The following INPP4B variants were observed in gnomAD, a reference collection of about 807,000 sequenced individuals.
The protein encoded by INPP4B is inositol polyphosphate 4-phosphatase type II.
INPP4B carries 55 observed loss-of-function variants against 122.5 expected under a neutral mutation model. The observed-to-expected ratio is 0.45, with a 90% CI of 0.36 to 0.56. The LOEUF (loss-of-function observed/expected upper bound fraction) is 0.56. Among genes scored for constraint, INPP4B ranks in the 20% least tolerant of loss-of-function variants. The pLI, the probability that INPP4B is intolerant of heterozygous loss-of-function variation, is 0.00. For synonymous variants in INPP4B, 403 were observed against 388.7 expected (o/e 1.04, Z -0.43); for missense variants, 1,000 against 1,097.7 (o/e 0.91, Z 1.26).
At chr4:142,523,692 A>G (rs1225829220) in intron 2 of INPP4B, among the ~76,000 whole-genome samples, 5 of 151,628 alleles carry the variant, frequency 3.3e-5, no homozygotes, top group Non-Finnish European at 7.4e-5. Flanking sequence ...GTTTTAGGGT[A>G]CATGTGCACA....
intron 3 of INPP4B, among the ~76,000 whole-genome samples, chr4:142,449,911 C>T (rs547474472): frequency 6.6e-6 from 1 of 152,128 alleles, no homozygotes; most frequent in Admixed American, 6.5e-5. Context: ...CTGGAGCTGT[C>T]CTGGATTCTA....
intron 12 of INPP4B, among the ~76,000 whole-genome samples, chr4:142,232,074 A>C (rs1362206949): frequency 6.6e-6 from 1 of 152,212 alleles, no homozygotes; most frequent in East Asian, 1.9e-4. Flanking sequence ...CAGAGATCAC[A>C]TGCCTTGCAA....
chr4:142,707,156 A>C (rs530106047), intron 2 of INPP4B, among the ~76,000 whole-genome samples: 1 of 152,290 alleles, frequency 6.6e-6, no homozygotes, highest in South Asian at 2.1e-4. Context: ...CACTCTTGAC[A>C]TACACTCTCT....
In INPP4B at chr4:142,274,208, G is replaced by A. The variant is rs138597083; in HGVS notation, c.504-3434C>T. On this transcript the variant is annotated intron_variant, in intron 9 of 25. Transcript: ENST00000262992. The stretch of plus-strand genomic sequence containing the variant: ...CCTTATGGAAATTCATCACATCTGC[G>A]TAGAAAATATATTAAAGAGAGTTCT... 4.6e-3 allele frequency among the ~76,000 whole-genome samples: 694 copies of A among 151,892 alleles called. 3 individuals are homozygous for A. Among genetic ancestry groups the A allele is most frequent in the Non-Finnish European group, 6.1e-3 (416 of 67,786 alleles).
intron 2 of INPP4B, among the ~76,000 whole-genome samples, chr4:142,554,250 T>A (rs1728644288): frequency 6.8e-6 from 1 of 147,452 alleles, no homozygotes; most frequent in South Asian, 2.1e-4. Flanking sequence ...CCACTCCAGA[T>A]CCACCATCAC....
At chr4:142,807,169 C>T (rs1778967742) in intron 1 of INPP4B, among the ~76,000 whole-genome samples, 1 of 152,130 alleles carries the variant, frequency 6.6e-6, no homozygotes. Context: ...TTAGCCAGAG[C>T]CATTTCCTTC....
chr4:142,238,821 A>G (rs924216362), intron 11 of INPP4B, among the ~76,000 whole-genome samples: 9 of 152,084 alleles, frequency 5.9e-5, no homozygotes, highest in Non-Finnish European at 1.3e-4. Context: ...CTCATACCAC[A>G]CTTTCAAGTC....
chr4:142,360,480 G>A (rs116599876), intron 7 of INPP4B, among the ~76,000 whole-genome samples: 125 of 152,060 alleles, frequency 8.2e-4, no homozygotes, highest in African/African-American at 2.9e-3. Context: ...AAATTCATAG[G>A]TTACCCTGAA....
At chr4:142,528,118 G>C (rs530637274) in intron 2 of INPP4B, among the ~76,000 whole-genome samples, 16 of 152,126 alleles carry the variant, frequency 1.1e-4, no homozygotes, top group African/African-American at 3.6e-4. Context: ...GACAAGAGTT[G>C]AAAGTATGTA....
chr4:142,219,006 A>G (rs1282710582), intron 12 of INPP4B, among the ~76,000 whole-genome samples: 1 of 152,214 alleles, frequency 6.6e-6, no homozygotes, highest in Non-Finnish European at 1.5e-5. Context: ...TAACCCACAC[A>G]TGGATAAAAA....
chr4:142,740,003 A>G (rs904633357), intron 1 of INPP4B, among the ~76,000 whole-genome samples: 1 of 152,086 alleles, frequency 6.6e-6, no homozygotes, highest in South Asian at 2.1e-4. Context: ...TAGGTAGTTT[A>G]TGTGCATAAC....
chr4:142,322,038 C>G (rs1770275093), intron 7 of INPP4B, among the ~76,000 whole-genome samples: 1 of 152,106 alleles, frequency 6.6e-6, no homozygotes, highest in Non-Finnish European at 1.5e-5. Flanking sequence ...CTGGCAATCT[C>G]AGAGAGTAAG....
intron 5 of INPP4B, chr4:142,427,565 A>G: frequency 2.0e-6 from 1 of 510,812 alleles, no homozygotes; most frequent in Non-Finnish European, 3.5e-6. Context: ...AACAAGATAG[A>G]TTCTCTTAAT....
chr4:142,096,100 A>G (rs553309256), intron 23 of INPP4B: 1 of 152,190 alleles, frequency 6.6e-6, no homozygotes, highest in South Asian at 2.1e-4. Flanking sequence ...TGAGCTTTCA[A>G]TTGAATTTAT....
intron 23 of INPP4B, among the ~76,000 whole-genome samples, chr4:142,095,756 A>G (rs1781530735): frequency 6.6e-6 from 1 of 152,186 alleles, no homozygotes; most frequent in African/African-American, 2.4e-5. Flanking sequence ...GCTATTGGAT[A>G]GGGATGAAAT....
intron 2 of INPP4B, among the ~76,000 whole-genome samples, chr4:142,472,384 C>T: frequency 6.6e-6 from 1 of 151,810 alleles, no homozygotes; most frequent in Non-Finnish European, 1.5e-5. Flanking sequence ...TACCTTTACC[C>T]CATACCCTGA....
intron 14 of INPP4B, among the ~76,000 whole-genome samples, chr4:142,205,180 A>G (rs1002129656): frequency 1.3e-5 from 2 of 152,160 alleles, no homozygotes; most frequent in Non-Finnish European, 2.9e-5. Flanking sequence ...CAAGAAAGAA[A>G]TATGAAATAA....
chr4:142,262,731 G>T (rs1002087105), intron 10 of INPP4B, among the ~76,000 whole-genome samples: 1 of 151,970 alleles, frequency 6.6e-6, no homozygotes, highest in Non-Finnish European at 1.5e-5. Context: ...ATGATTATTT[G>T]CCTACAAATA....
chr4:142,405,159 A>G (rs144136838), intron 6 of INPP4B, 47 bp downstream of exon 6: 1 of 969,576 alleles, frequency 1.0e-6, no homozygotes, highest in Non-Finnish European at 1.6e-6. Flanking sequence ...GCGAGCCAGC[A>G]AGAGAGAGAG....
Sources: gnomAD v4.1 joint callset for allele counts (sites outside exome capture counted in the v4.1 genomes callset) on GRCh38, gnomAD v4.1.1 for gene constraint, MANE v1.5 for transcripts, NCBI Gene and HGNC (gene_info 2026-07-23, HGNC 2026-07-21) for gene names.